Variants in SMCHD1 observed in about 807,000 individuals in gnomAD.
SMCHD1 encodes structural maintenance of chromosomes flexible hinge domain-containing protein 1.
A neutral mutation model predicts 254.7 loss-of-function variants in SMCHD1; 78 were observed. That is an observed-to-expected ratio of 0.31 (90% confidence interval 0.26 to 0.37). The LOEUF (loss-of-function observed/expected upper bound fraction) is 0.37. Ranked by LOEUF, SMCHD1 falls within the 10% of genes least tolerant of loss-of-function variation. The pLI is 1.00. For synonymous variants in SMCHD1, 766 were observed against 794.9 expected (o/e 0.96, Z 0.61); for missense variants, 1,840 against 2,408.1 (o/e 0.76, Z 4.94).
At position 2,771,604 on chromosome 18, in the gene SMCHD1, C is replaced by T. The variant is rs769986044; in HGVS notation, c.5038C>T (p.Pro1680Ser). ...ACTAAAAATACATAATATTGACATTCCTACAACACAACAGGTACAGCTTCC... is the reference window on the plus strand; with the variant it reads ...ACTAAAAATACATAATATTGACATTTCTACAACACAACAGGTACAGCTTCC... ...NELKIHNIDI[P>S]TTQQVPHIEA... Residue 1680 changes from proline to serine, a missense_variant, in exon 40 of 48, where the codon CCT (proline) becomes TCT (serine). By Grantham distance (74) the Pro-to-Ser change is moderately conservative. This residue lies in a region of SMCHD1 where 881 missense variants were observed against 1,009.5 expected (regional missense o/e 0.87). Coordinates refer to ENST00000320876, the MANE Select transcript of SMCHD1 (RefSeq NM_015295.3). 6.4e-7 allele frequency: 1 copy of T among 1,563,596 alleles called. No homozygotes were observed. Among genetic ancestry groups the T allele is most frequent in the Non-Finnish European group, 8.6e-7 (1 of 1,165,618 alleles).
chr18:2,656,274 G>GC lies in SMCHD1; in HGVS notation c.186+14dup. Reference sequence around the variant, plus strand: ...GTGTGTGTGTCAGGTACGCGAAGGGGCGAGGAAGGGATGCGCGTGTAGACT... The same window carrying GC: ...GTGTGTGTGTCAGGTACGCGAAGGGGCCGAGGAAGGGATGCGCGTGTAGACT... On this transcript the variant is annotated intron_variant, in intron 1 of 47. Coordinates refer to ENST00000320876, the MANE Select transcript of SMCHD1 (RefSeq NM_015295.3). 6.8e-7 allele frequency: 1 copy of GC among 1,476,496 alleles called. No homozygotes were observed. The highest frequency in any genetic ancestry group is 8.9e-7 in the Non-Finnish European group (1 of 1,123,826). The allele number at this position is 1,476,496 out of a possible 1,614,324, so 91.5% of individuals were successfully genotyped here. A position where few individuals can be genotyped will look rare whatever the true frequency, so the allele number is the denominator to read the frequency against.
At chr18:2,768,422 T>TA (rs2075909457) in intron 37 of SMCHD1, among the ~76,000 whole-genome samples, 1 of 152,064 alleles carries the variant, frequency 6.6e-6, no homozygotes, top group African/African-American at 2.4e-5. Flanking sequence ...GATAAATTGA[T>TA]ACAGCTTCTT....
intron 45 of SMCHD1, among the ~76,000 whole-genome samples, chr18:2,786,383 G>A (rs1004675364): frequency 6.6e-6 from 1 of 152,074 alleles, no homozygotes; most frequent in Non-Finnish European, 1.5e-5. Flanking sequence ...CATGAACACT[G>A]CACTTATATT....
chr18:2,679,864 A>C (rs1410011546), intron 5 of SMCHD1, among the ~76,000 whole-genome samples: 1 of 152,166 alleles, frequency 6.6e-6, no homozygotes, highest in East Asian at 1.9e-4. Context: ...ATGGTGTTCT[A>C]TAGTACAGGT....
intron 3 of SMCHD1, chr18:2,673,017 A>T (rs2073654468): frequency 1.0e-6 from 1 of 961,370 alleles, no homozygotes; most frequent in South Asian, 4.8e-5. Flanking sequence ...CTGTCTTTAG[A>T]TTATAAACTC....
intron 5 of SMCHD1, among the ~76,000 whole-genome samples, chr18:2,685,138 T>C (rs981877113): frequency 3.4e-5 from 5 of 146,178 alleles, no homozygotes; most frequent in Non-Finnish European, 7.5e-5. Flanking sequence ...CTCGTTCTTT[T>C]GCCCAGGCCG....
intron 3 of SMCHD1, among the ~76,000 whole-genome samples, chr18:2,668,757 T>C (rs1382899833): frequency 6.6e-6 from 1 of 152,192 alleles, no homozygotes; most frequent in Non-Finnish European, 1.5e-5. Flanking sequence ...ACCACTCTAC[T>C]GTACCCACGC....
intron 17 of SMCHD1, among the ~76,000 whole-genome samples, chr18:2,709,993 T>A (rs2074630946): frequency 6.6e-6 from 1 of 152,244 alleles, no homozygotes; most frequent in East Asian, 1.9e-4. Context: ...ACGAAGCTTT[T>A]CCTGAATGTT....
chr18:2,660,838 A>ATTAAAAAAATTTTTTTTTTT (rs1336483478), intron 1 of SMCHD1, among the ~76,000 whole-genome samples: 78 of 152,286 alleles, frequency 5.1e-4, no homozygotes, highest in African/African-American at 1.7e-3. Flanking sequence ...TGGATTTTTG[A>ATTAAAAAAATTTTTTTTTTT]TGTGGATTAA....
intron 47 of SMCHD1, among the ~76,000 whole-genome samples, chr18:2,799,783 A>G (rs7245116): frequency 0.23 from 34,153 of 150,698 alleles, 3,895 homozygotes; most frequent in Admixed American, 0.27. Flanking sequence ...TTCTTTCCCT[A>G]TGTATCTTAA....
At chr18:2,782,720 G>A (rs2076174832) in intron 44 of SMCHD1, among the ~76,000 whole-genome samples, 1 of 129,542 alleles carries the variant, frequency 7.7e-6, no homozygotes, top group South Asian at 2.4e-4. Flanking sequence ...ACTCCAGCCT[G>A]GGCAACAGAG....
chr18:2,756,328 T>C (rs72864698), intron 34 of SMCHD1, among the ~76,000 whole-genome samples: 154 of 152,316 alleles, frequency 1.0e-3, no homozygotes, highest in Non-Finnish European at 1.8e-3. Context: ...GCATTTTCTT[T>C]CTTACACATT....
At chr18:2,694,422 A>G (rs1394220146) in intron 7 of SMCHD1, 105 bp from the exon 8 acceptor site, 6 of 997,972 alleles carry the variant, frequency 6.0e-6, no homozygotes, top group Non-Finnish European at 8.6e-6. Flanking sequence ...TCTGAAACCT[A>G]TTTGTGAAAC....
rs557482877 is a variant in SMCHD1 at position 2,784,548 on chromosome 18, A to C, written c.5646A>C (p.Pro1882=). The change falls in exon 45 of 48, where the codon CCA becomes CCC. Residue 1882 remains proline (P), a synonymous_variant. Coordinates refer to ENST00000320876, the MANE Select transcript of SMCHD1 (RefSeq NM_015295.3). The part of the protein sequence containing the change: ...KFGGLQNKAP[P]MDKLRGMVFG... ...GGGGCCTTCAGAATAAAGCTCCTCC[A>C]ATGGATAAACTTCGGGGAATGGTAT... is the stretch of plus-strand genomic sequence containing the variant. The C allele has an allele frequency of 8.1e-6, 13 of 1,611,956 alleles. No individual in the cohort carries two copies. In the Admixed American group the frequency reaches 2.2e-4, roughly 27 times the overall value.
intron 12 of SMCHD1, among the ~76,000 whole-genome samples, chr18:2,702,674 T>C (rs2074430041): frequency 6.6e-6 from 1 of 152,220 alleles, no homozygotes; most frequent in African/African-American, 2.4e-5. Flanking sequence ...ATTGGACCTG[T>C]GAGTCTTTAC....
intron 34 of SMCHD1, 36 bp downstream of exon 34, chr18:2,752,588 T>C (rs1228176589): frequency 5.9e-6 from 8 of 1,367,380 alleles, no homozygotes; most frequent in South Asian, 2.4e-5. Context: ...TGAATACATA[T>C]CTTGTTACAA....
chr18:2,784,499 G>A lies in SMCHD1; in HGVS notation c.5597G>A (p.Arg1866Gln), dbSNP rs886044586. The change falls in exon 45 of 48, where the codon CGA (arginine) becomes CAA (glutamine). Residue 1866 changes from arginine to glutamine, a missense_variant. Transcript: ENST00000320876. ...CPTLLTRDGDRIRSNGKFGGL... is the reference protein window; with the variant it reads ...CPTLLTRDGDQIRSNGKFGGL... Reference sequence around the variant, plus strand: ...ACACTGCTGACCAGAGATGGAGATCGAATTCGAAGTAATGGAAAGTTTGGG... The same window carrying A: ...ACACTGCTGACCAGAGATGGAGATCAAATTCGAAGTAATGGAAAGTTTGGG... 6 of 1,612,788 alleles carry A rather than the reference G, an allele frequency of 3.7e-6. No individual in the cohort carries two copies. The highest frequency in any genetic ancestry group is 5.1e-6 in the Non-Finnish European group (6 of 1,179,374).
In SMCHD1 at chr18:2,769,748, G is replaced by T. The variant is rs755339676; in HGVS notation, c.4774G>T (p.Val1592Leu). ...PGRDSTEYFI[V>L]FEPRLPLLSR... ...AAGGGATAGTACTGAATATTTTATT[G>T]TATTTGAGCCCCGGCTACCACTTTT... The change falls in exon 38 of 48, where the codon GTA (valine) becomes TTA (leucine). Residue 1592 changes from valine (V) to leucine (L), a missense_variant. Physicochemically the swap from Val to Leu is conservative, Grantham distance 32. Around this residue, in one of 9 missense-constraint regions of SMCHD1, gnomAD observed 881 missense variants for 1,009.5 expected, o/e 0.87. Coordinates refer to ENST00000320876, the MANE Select transcript of SMCHD1 (RefSeq NM_015295.3). The T allele has an allele frequency of 3.1e-5, 49 of 1,602,522 alleles. No homozygotes were observed. In the South Asian group the frequency reaches 4.7e-4, roughly 15 times the overall value.
At chr18:2,793,656 C>CAAAAAAAAAAAAAAAAAAAAA (rs1277905569) in intron 45 of SMCHD1, among the ~76,000 whole-genome samples, 27 of 43,870 alleles carry the variant, frequency 6.2e-4, no homozygotes, top group South Asian at 1.6e-3. Flanking sequence ...GACTCCGTCT[C>CAAAAAAAAAAAAAAAAAAAAA]AAAAAAAAAA....
Sources: gnomAD v4.1 joint callset for allele counts (sites outside exome capture counted in the v4.1 genomes callset) on GRCh38, gnomAD v4.1.1 for gene constraint, gnomAD v4.1.1 regional missense constraint, MANE v1.5 for transcripts, NCBI Gene and HGNC (gene_info 2026-07-23, HGNC 2026-07-21) for gene names.